The following SIPA1L1 variants were observed in gnomAD, a reference collection of about 807,000 sequenced individuals.
SIPA1L1 encodes the protein signal induced proliferation associated 1 like 1.
Under a neutral mutation model 162.7 loss-of-function variants are expected in SIPA1L1, and 26 were observed. The ratio of observed to expected loss-of-function variants is 0.16; its 90% CI spans 0.12 to 0.22. The LOEUF (loss-of-function observed/expected upper bound fraction) is 0.22. SIPA1L1 is among the 10% of genes least tolerant of loss of function. SIPA1L1 has a pLI of 1.00. For missense variants in SIPA1L1, 1,874 were observed against 2,241.0 expected, an observed-to-expected ratio of 0.84 and a Z score of 3.31; for synonymous variants, 829 against 837.4, an observed-to-expected ratio of 0.99 and a Z score of 0.17.
chr14:71,715,561 CA>C (rs773647814), intron 17 of SIPA1L1, among the ~76,000 whole-genome samples: 4 of 152,202 alleles, frequency 2.6e-5, no homozygotes, highest in African/African-American at 4.8e-5. Context: ...CTAGTACCAC[CA>C]AACCAAAATC....
At chr14:71,455,753 C>T (rs566902032) in intron 2 of SIPA1L1, among the ~76,000 whole-genome samples, 6 of 152,206 alleles carry the variant, frequency 3.9e-5, no homozygotes, top group Non-Finnish European at 7.4e-5. Context: ...TTCGTAAGGG[C>T]CTGAGCTGAG....
chr14:71,343,162 T>A (rs1448716411), intron 2 of SIPA1L1, among the ~76,000 whole-genome samples: 1 of 152,186 alleles, frequency 6.6e-6, no homozygotes, highest in East Asian at 1.9e-4. Flanking sequence ...TGCTTAAGAG[T>A]GTTTGAAAGC....
intron 2 of SIPA1L1, among the ~76,000 whole-genome samples, chr14:71,419,567 G>A (rs1222740494): frequency 1.4e-5 from 2 of 141,828 alleles, no homozygotes; most frequent in Non-Finnish European, 3.0e-5. Context: ...GCGCAATCTC[G>A]GCTCACTGCA....
At chr14:71,738,154 C>T in intron 22 of SIPA1L1, 87 bp from the exon 23 acceptor site, 1 of 717,966 alleles carries the variant, frequency 1.4e-6, no homozygotes, top group Non-Finnish European at 2.2e-6. Context: ...ATACAGCCTC[C>T]TCAGAGTAAA....
intron 2 of SIPA1L1, chr14:71,416,371 GT>G (rs1566994217): frequency 1.3e-5 from 2 of 151,620 alleles, no homozygotes; most frequent in East Asian, 3.9e-4. Context: ...CTTAAAAATG[GT>G]TTTTGTTTTT....
intron 2 of SIPA1L1, among the ~76,000 whole-genome samples, chr14:71,488,978 T>A (rs1038177106): frequency 3.3e-5 from 5 of 152,210 alleles, no homozygotes; most frequent in Non-Finnish European, 7.3e-5. Context: ...GATGGCTCCT[T>A]GTTCACAGCT....
chr14:71,479,173 TC>T (rs1172793574), intron 2 of SIPA1L1, among the ~76,000 whole-genome samples: 2 of 152,136 alleles, frequency 1.3e-5, no homozygotes, highest in African/African-American at 4.8e-5. Context: ...TCATTCTTCT[TC>T]CCTAATCAGC....
chr14:71,589,106 A>G lies in SIPA1L1; in HGVS notation c.1234A>G (p.Met412Val), dbSNP rs757683602. 13 of 1,614,134 alleles carry G rather than the reference A, an allele frequency of 8.1e-6. No homozygotes were observed. Among genetic ancestry groups the G allele is most frequent in the Non-Finnish European group, 1.0e-5 (12 of 1,179,976 alleles). The change falls in exon 5 of 24, where the codon ATG becomes GTG. Residue 412 changes from methionine to valine, a missense_variant. This residue lies in a region of SIPA1L1 where 685 missense variants were observed against 828.0 expected (regional missense o/e 0.83). Transcript: ENST00000381232. ...AGATGATAAAAGCAATGAGCTTGTA[A>G]TGAGCTGTCCATATTTTCGGAATGA... ...QGDDKSNELVMSCPYFRNEIG... is the reference protein window; with the variant it reads ...QGDDKSNELVVSCPYFRNEIG...
At chr14:71,549,155 G>A (rs2055545941) in intron 4 of SIPA1L1, among the ~76,000 whole-genome samples, 1 of 152,110 alleles carries the variant, frequency 6.6e-6, no homozygotes, top group South Asian at 2.1e-4. Context: ...GTTTTTCAAG[G>A]GTGACCTTGG....
intron 4 of SIPA1L1, among the ~76,000 whole-genome samples, chr14:71,581,083 T>G (rs762785392): frequency 2.6e-4 from 39 of 152,304 alleles, no homozygotes; most frequent in Admixed American, 2.0e-4. Context: ...CCCAGTTATG[T>G]TCAATAGGAT....
At chr14:71,468,005 G>GGTGTGTGTGTGTGTGTGTGTGTGTGTGT (rs56265408) in intron 2 of SIPA1L1, among the ~76,000 whole-genome samples, 1 of 141,606 alleles carries the variant, frequency 7.1e-6, no homozygotes, top group Non-Finnish European at 1.5e-5. Context: ...CAGTTAGAGG[G>GGTGTGTGTGTGTGTGTGTGTGTGTGTGT]GTGTGTGTGT....
intron 2 of SIPA1L1, among the ~76,000 whole-genome samples, chr14:71,461,528 A>C (rs2046602149): frequency 6.6e-6 from 1 of 152,164 alleles, no homozygotes; most frequent in Admixed American, 6.5e-5. Context: ...ATGGGATACA[A>C]ATAACTTCAC....
chr14:71,325,079 GC>G (rs1315424986), intron 2 of SIPA1L1, among the ~76,000 whole-genome samples: 1 of 152,154 alleles, frequency 6.6e-6, no homozygotes, highest in Non-Finnish European at 1.5e-5. Flanking sequence ...GTGGTATTCT[GC>G]CATTGCTCAC....
chr14:71,670,422 G>T (rs2044402872), intron 10 of SIPA1L1, among the ~76,000 whole-genome samples: 1 of 152,106 alleles, frequency 6.6e-6, no homozygotes, highest in Admixed American at 6.5e-5. Flanking sequence ...TAGATTATCA[G>T]AATAAAATAC....
intron 2 of SIPA1L1, among the ~76,000 whole-genome samples, chr14:71,459,437 A>ATATC (rs530044896): frequency 2.0e-5 from 3 of 151,950 alleles, no homozygotes; most frequent in Non-Finnish European, 4.4e-5. Context: ...AATATTTAGG[A>ATATC]TATCTATCTA....
intron 19 of SIPA1L1, among the ~76,000 whole-genome samples, chr14:71,726,662 G>A (rs572328982): frequency 1.5e-3 from 236 of 152,308 alleles, no homozygotes; most frequent in Non-Finnish European, 2.3e-3. Flanking sequence ...GAGACTCCGC[G>A]AAGAAAGTGC....
chr14:71,586,483 TCAG>T (rs2034625514), intron 4 of SIPA1L1: 1 of 152,242 alleles, frequency 6.6e-6, no homozygotes, highest in Admixed American at 6.5e-5. Context: ...CAGTGCTGGT[TCAG>T]CAGCATCTTT....
At chr14:71,621,717 C>T (rs186842660) in intron 6 of SIPA1L1, among the ~76,000 whole-genome samples, 5 of 152,236 alleles carry the variant, frequency 3.3e-5, no homozygotes, top group Admixed American at 2.0e-4. Context: ...GGCTTCTGTC[C>T]GAGTTGTTCA....
intron 2 of SIPA1L1, among the ~76,000 whole-genome samples, chr14:71,358,378 G>C (rs985479706): frequency 1.3e-5 from 2 of 152,142 alleles, no homozygotes; most frequent in Non-Finnish European, 2.9e-5. Context: ...TAGTCCTCTG[G>C]GTTGTTTATA....
Sources: allele counts gnomAD v4.1 joint callset (sites outside exome capture counted in the v4.1 genomes callset), GRCh38; gene constraint gnomAD v4.1.1; regional missense constraint gnomAD v4.1.1; transcripts MANE v1.5; gene names NCBI Gene and HGNC (gene_info 2026-07-23, HGNC 2026-07-21).